The following XKR9 variants were observed in gnomAD, a reference collection of about 807,000 sequenced individuals.
The protein encoded by XKR9 is XK related 9, also known as XK-related protein 9.
A neutral mutation model predicts 32.0 loss-of-function variants in XKR9; 32 were observed. The ratio of observed to expected loss-of-function variants is 1.00; its 90% CI spans 0.76 to 1.34. The LOEUF (loss-of-function observed/expected upper bound fraction) is 1.34. Among genes scored for constraint, XKR9 ranks in the 40% most tolerant of loss-of-function variants. The pLI is 0.00. For missense variants in XKR9, 546 were observed against 429.7 expected (o/e 1.27, Z -2.39); for synonymous variants, 168 against 143.4 (o/e 1.17, Z -1.22).
chr8:70,745,997 C>T (rs1218960059), intron 2 of XKR9, among the ~76,000 whole-genome samples: 4 of 152,050 alleles, frequency 2.6e-5, no homozygotes, highest in Non-Finnish European at 5.9e-5. Flanking sequence ...TAACATGAAC[C>T]ATTTGTCGTT....
chr8:70,911,840 C>T, the XKR9 span, among the ~76,000 whole-genome samples: 1 of 152,060 alleles, frequency 6.6e-6, no homozygotes, highest in Non-Finnish European at 1.5e-5. Flanking sequence ...TTAGAAAATT[C>T]TAGTTAAGAG....
chr8:70,837,007 A>G, the XKR9 span, among the ~76,000 whole-genome samples: 1 of 152,102 alleles, frequency 6.6e-6, no homozygotes, highest in African/African-American at 2.4e-5. Context: ...CTACTTGACC[A>G]CAGTGGTCAA....
At chr8:71,011,997 T>C in the XKR9 span, among the ~76,000 whole-genome samples, 3 of 151,876 alleles carry the variant, frequency 2.0e-5, no homozygotes, top group Non-Finnish European at 2.9e-5. Flanking sequence ...CACCCTACCA[T>C]GTTCTCTTTT....
chr8:70,722,868 T>C (rs1806328969), intron 4 of XKR9, among the ~76,000 whole-genome samples: 1 of 152,170 alleles, frequency 6.6e-6, no homozygotes, highest in African/African-American at 2.4e-5. Flanking sequence ...GAAGTTCTCC[T>C]GGATAATATC....
At chr8:70,900,356 G>A in the XKR9 span, among the ~76,000 whole-genome samples, 8 of 152,084 alleles carry the variant, frequency 5.3e-5, no homozygotes, top group South Asian at 4.1e-4. Context: ...TTGGGAGGCC[G>A]AGGTGGGTCG....
intron 2 of XKR9, among the ~76,000 whole-genome samples, chr8:70,746,792 A>C (rs1285266188): frequency 2.0e-5 from 3 of 150,852 alleles, no homozygotes; most frequent in Admixed American, 1.3e-4. Flanking sequence ...CAGATTCAGG[A>C]GTATATGTGC....
the XKR9 span, among the ~76,000 whole-genome samples, chr8:70,851,095 A>G: frequency 6.6e-6 from 1 of 152,238 alleles, no homozygotes; most frequent in Admixed American, 6.5e-5. Flanking sequence ...CTCAGGATAC[A>G]AAATCAATGT....
At chr8:70,871,283 ATTTC>A in the XKR9 span, among the ~76,000 whole-genome samples, 1 of 152,114 alleles carries the variant, frequency 6.6e-6, no homozygotes, top group Non-Finnish European at 1.5e-5. Context: ...TTCTCATTTA[ATTTC>A]TTTCTTATTA....
At chr8:70,760,749 G>A (rs1444343) in intron 2 of XKR9, among the ~76,000 whole-genome samples, 47,498 of 152,122 alleles carry the variant, frequency 0.31, 8,932 homozygotes, top group Non-Finnish European at 0.43. Context: ...TGTGCAGGAT[G>A]TGCAGGTTTG....
intron 3 of XKR9, 85 bp downstream of exon 3, chr8:70,681,415 T>G: frequency 6.8e-7 from 1 of 1,460,732 alleles, no homozygotes; most frequent in East Asian, 2.3e-5. Flanking sequence ...GGTAGTCAAA[T>G]GTACAAAGAT....
At chr8:70,699,529 G>A (rs1016062764) in intron 3 of XKR9, among the ~76,000 whole-genome samples, 2 of 152,178 alleles carry the variant, frequency 1.3e-5, no homozygotes, top group African/African-American at 2.4e-5. Context: ...CTTCTGGCTT[G>A]TAGCGTTTCT....
the XKR9 span, among the ~76,000 whole-genome samples, chr8:70,893,115 TG>T: frequency 6.6e-6 from 1 of 152,192 alleles, no homozygotes. Context: ...AATCTGGTAT[TG>T]AAACTCTCTA....
At chr8:70,742,087 C>T (rs1806994529) in intron 2 of XKR9, among the ~76,000 whole-genome samples, 1 of 151,728 alleles carries the variant, frequency 6.6e-6, no homozygotes, top group African/African-American at 2.4e-5. Context: ...TGCTTATTGG[C>T]CATTCATATA....
the XKR9 span, among the ~76,000 whole-genome samples, chr8:70,988,968 C>A: frequency 6.6e-6 from 1 of 152,334 alleles, no homozygotes; most frequent in East Asian, 1.9e-4. Flanking sequence ...CAAGGTTCAT[C>A]CATATTACAG....
the XKR9 span, among the ~76,000 whole-genome samples, chr8:71,056,568 G>A: frequency 6.6e-6 from 1 of 152,138 alleles, no homozygotes; most frequent in African/African-American, 2.4e-5. Context: ...TGAACTTGAG[G>A]CATATAGAAG....
At chr8:70,783,226 CTT>C (rs57296282) in intron 2 of XKR9, among the ~76,000 whole-genome samples, 10,796 of 143,974 alleles carry the variant, frequency 0.075, 410 homozygotes, top group Non-Finnish European at 0.091. Context: ...ATTTGTATGT[CTT>C]TTTTTTTTTT....
At chr8:70,985,081 A>T in the XKR9 span, among the ~76,000 whole-genome samples, 4 of 152,238 alleles carry the variant, frequency 2.6e-5, no homozygotes, top group Admixed American at 6.5e-5. Flanking sequence ...AAACAAAATT[A>T]TAAAAAGCCC....
downstream of XKR9, among the ~76,000 whole-genome samples, chr8:70,794,510 T>G (rs950455991): frequency 6.6e-6 from 1 of 152,104 alleles, no homozygotes; most frequent in Non-Finnish European, 1.5e-5. Context: ...CTTTATTAGA[T>G]TGAGAAAGTT....
the XKR9 span, among the ~76,000 whole-genome samples, chr8:70,837,236 A>G: frequency 1.3e-5 from 2 of 152,072 alleles, no homozygotes; most frequent in Admixed American, 1.3e-4. Flanking sequence ...TCACCTATGT[A>G]TGTAATATCA....
Sources: allele counts gnomAD v4.1 joint callset (sites outside exome capture counted in the v4.1 genomes callset), GRCh38; gene constraint gnomAD v4.1.1; transcripts MANE v1.5; gene names NCBI Gene and HGNC (gene_info 2026-07-23, HGNC 2026-07-21).